SUGCT: variants seen among roughly 807,000 people sequenced by gnomAD.
SUGCT encodes succinyl-CoA:glutarate-CoA transferase.
SUGCT carries 41 observed loss-of-function variants against 55.0 expected under a neutral mutation model. The ratio of observed to expected loss-of-function variants is 0.74; its 90% confidence interval spans 0.58 to 0.97. The LOEUF (loss-of-function observed/expected upper bound fraction) is 0.97. Among genes scored for constraint, SUGCT ranks in the 50% least tolerant of loss-of-function variants. The pLI, the probability that SUGCT is intolerant of heterozygous loss-of-function variation, is 0.00. For missense variants in SUGCT, 568 were observed against 547.8 expected (o/e 1.04, Z -0.37); for synonymous variants, 187 against 200.4 (o/e 0.93, Z 0.56).
At chr7:40,191,788 T>C (rs968455830) in intron 5 of SUGCT, among the ~76,000 whole-genome samples, 1 of 152,168 alleles carries the variant, frequency 6.6e-6, no homozygotes, top group African/African-American at 2.4e-5. Flanking sequence ...TTCATATTTC[T>C]GGTACAGATT....
At chr7:40,365,309 C>T (rs1272568326) in intron 9 of SUGCT, among the ~76,000 whole-genome samples, 1 of 151,952 alleles carries the variant, frequency 6.6e-6, no homozygotes, top group African/African-American at 2.4e-5. Context: ...CAATATCGTA[C>T]TGAATGGGCA....
intron 12 of SUGCT, among the ~76,000 whole-genome samples, chr7:40,571,661 A>C (rs1417067180): frequency 3.3e-5 from 5 of 152,176 alleles, no homozygotes; most frequent in Non-Finnish European, 7.3e-5. Flanking sequence ...TCAATGAAAA[A>C]AAATTCATTG....
chr7:40,609,102 A>G (rs770927041), intron 12 of SUGCT, among the ~76,000 whole-genome samples: 2 of 152,152 alleles, frequency 1.3e-5, no homozygotes, highest in Non-Finnish European at 2.9e-5. Context: ...CTCTTGCTGT[A>G]TGTATCTGTG....
the SUGCT span, among the ~76,000 whole-genome samples, chr7:40,914,003 A>C: frequency 6.6e-6 from 1 of 152,192 alleles, no homozygotes; most frequent in Non-Finnish European, 1.5e-5. Flanking sequence ...CTATCACAAA[A>C]ATATGGCATT....
At chr7:40,242,922 TATATATATATA>T (rs1166417302) in intron 7 of SUGCT, among the ~76,000 whole-genome samples, 8 of 29,228 alleles carry the variant, frequency 2.7e-4, no homozygotes, top group East Asian at 2.5e-3. Flanking sequence ...TATATATATA[TATATATATATA>T]TTTTTTTTTT....
chr7:40,762,454 T>C (rs1177533183), intron 13 of SUGCT, among the ~76,000 whole-genome samples: 1 of 152,144 alleles, frequency 6.6e-6, no homozygotes, highest in Non-Finnish European at 1.5e-5. Context: ...ATTAATTGCC[T>C]AATGTGGCAA....
intron 6 of SUGCT, among the ~76,000 whole-genome samples, chr7:40,222,977 T>G (rs1254339033): frequency 2.0e-5 from 3 of 148,388 alleles, no homozygotes; most frequent in Non-Finnish European, 4.5e-5. Flanking sequence ...TTATTTTATT[T>G]TTCATTTCTT....
the SUGCT span, among the ~76,000 whole-genome samples, chr7:40,908,968 A>G: frequency 4.6e-5 from 7 of 152,218 alleles, no homozygotes; most frequent in African/African-American, 1.7e-4. Flanking sequence ...AAGTATACAT[A>G]GATACATCAT....
chr7:40,887,555 C>T, the SUGCT span, among the ~76,000 whole-genome samples: 4 of 152,110 alleles, frequency 2.6e-5, no homozygotes, highest in African/African-American at 9.7e-5. Flanking sequence ...GCAACCAGGC[C>T]AACAGTGGTA....
chr7:40,173,540 T>G (rs747823168), intron 1 of SUGCT, among the ~76,000 whole-genome samples: 3 of 152,338 alleles, frequency 2.0e-5, no homozygotes, highest in Non-Finnish European at 2.9e-5. Flanking sequence ...GGGGTTTATA[T>G]CCCATTGTCC....
At chr7:40,810,545 T>C (rs1791356593) in intron 13 of SUGCT, among the ~76,000 whole-genome samples, 1 of 152,322 alleles carries the variant, frequency 6.6e-6, no homozygotes, top group African/African-American at 2.4e-5. Flanking sequence ...CATATGTTTG[T>C]TGGCCACTTG....
intron 9 of SUGCT, among the ~76,000 whole-genome samples, chr7:40,402,125 G>A (rs764704504): frequency 6.6e-6 from 1 of 151,552 alleles, no homozygotes; most frequent in Non-Finnish European, 1.5e-5. Flanking sequence ...GGTAAAATAG[G>A]TATTTTTATC....
At chr7:40,997,479 C>T in the SUGCT span, among the ~76,000 whole-genome samples, 1 of 152,114 alleles carries the variant, frequency 6.6e-6, no homozygotes, top group African/African-American at 2.4e-5. Flanking sequence ...GATCACCAGA[C>T]TGCTCATGGT....
the SUGCT span, among the ~76,000 whole-genome samples, chr7:40,927,190 T>G: frequency 3.9e-5 from 6 of 152,224 alleles, no homozygotes; most frequent in Non-Finnish European, 8.8e-5. Flanking sequence ...TAGCATTCCC[T>G]AAGGTATCTG....
chr7:40,666,355 AAAGG>A (rs775565696), intron 12 of SUGCT, among the ~76,000 whole-genome samples: 1,938 of 121,824 alleles, frequency 0.016, 16 homozygotes, highest in Non-Finnish European at 0.019. Context: ...CTCAAGAAAG[AAAGG>A]AAGGAAGGAA....
In SUGCT at chr7:40,471,953, G is replaced by C. The variant is rs372012687; in HGVS notation, c.986+12755G>C. On this transcript the variant is annotated intron_variant, in intron 11 of 13. Transcript: ENST00000335693. The stretch of plus-strand genomic sequence containing the variant: ...GTAAGGTCAAATTCATGTATGAAAA[G>C]TATTGTCTTACTAGAAATTAAATAT... Among the ~76,000 whole-genome samples, 4 of 152,124 alleles carry C rather than the reference G, an allele frequency of 2.6e-5. No individual in the cohort carries two copies. In the East Asian group the frequency reaches 7.7e-4, roughly 29 times the overall value.
In SUGCT at chr7:40,181,951, G is replaced by T; in HGVS notation, c.153-4G>T. 6.4e-7 allele frequency: 1 copy of T among 1,555,768 alleles called. No homozygotes were observed. The highest frequency in any genetic ancestry group is 8.8e-7 in the Non-Finnish European group (1 of 1,139,858). ...TAATTTATTTATCATTTTTAACATT[G>T]TAGAGTCCTGGCGGGACCTTTTGCT... On this transcript the variant is annotated splice_region_variant and splice_polypyrimidine_tract_variant and intron_variant, in intron 2 of 13. Transcript: ENST00000335693.
the SUGCT span, among the ~76,000 whole-genome samples, chr7:40,912,932 CT>C: frequency 6.6e-6 from 1 of 152,006 alleles, no homozygotes; most frequent in Admixed American, 6.6e-5. Flanking sequence ...GAATATACCC[CT>C]GATCTGACTG....
At chr7:40,857,653 G>A (rs758578910) in intron 13 of SUGCT, among the ~76,000 whole-genome samples, 3 of 152,064 alleles carry the variant, frequency 2.0e-5, no homozygotes, top group Non-Finnish European at 2.9e-5. Flanking sequence ...ACTGTGTGGA[G>A]GTTAAAAGTC....
Sources: gnomAD v4.1 joint callset for allele counts (sites outside exome capture counted in the v4.1 genomes callset) on GRCh38, gnomAD v4.1.1 for gene constraint, MANE v1.5 for transcripts, NCBI Gene and HGNC (gene_info 2026-07-23, HGNC 2026-07-21) for gene names.